The following TBC1D8B variants were observed in gnomAD, a reference collection of about 807,000 sequenced individuals.
The protein encoded by TBC1D8B is RP11-321G1.1.
A neutral mutation model predicts 82.9 loss-of-function variants in TBC1D8B; 75 were observed. The ratio of observed to expected loss-of-function variants is 0.90; its 90% CI spans 0.75 to 1.10. TBC1D8B has a LOEUF of 1.10. Ranked by LOEUF, TBC1D8B falls within the 50% of genes least tolerant of loss-of-function variation. TBC1D8B has a pLI of 0.00. For synonymous variants in TBC1D8B, 276 were observed against 276.8 expected, an observed-to-expected ratio of 1.00 and a Z score of 0.03; for missense variants, 794 against 796.9, an observed-to-expected ratio of 1.00 and a Z score of 0.04.
chrX:106,827,239 T>C lies in TBC1D8B; in HGVS notation c.1105T>C (p.Phe369Leu). The part of the protein sequence containing the change: ...VIISIKGKTA[F>L]RFHEVKDFEQ... ...CATTAGCATCAAAGGAAAAACAGCTTTTCGCTTCCATGAAGTTAAAGACTT... is the reference window on the plus strand; with the variant it reads ...CATTAGCATCAAAGGAAAAACAGCTCTTCGCTTCCATGAAGTTAAAGACTT... Residue 369 changes from phenylalanine (F) to leucine (L), a missense_variant, in exon 7 of 21, where the codon TTT becomes CTT. Transcript: ENST00000357242. The C allele has an allele frequency of 1.7e-6, 2 of 1,211,179 alleles. No homozygotes were observed. The highest frequency in any genetic ancestry group is 2.2e-6 in the Non-Finnish European group (2 of 895,157).
At chrX:106,869,051 C>T (rs1932831328) in intron 18 of TBC1D8B, among the ~76,000 whole-genome samples, 1 of 111,538 alleles carries the variant, frequency 9.0e-6, no homozygotes, top group South Asian at 3.8e-4. Context: ...CAAGTCTCTT[C>T]CTTTTATAGA....
chrX:106,835,745 C>T (rs749052463), intron 7 of TBC1D8B, among the ~76,000 whole-genome samples: 6 of 111,987 alleles, frequency 5.4e-5, no homozygotes, highest in African/African-American at 1.9e-4. Context: ...TTCACTAAAG[C>T]TCCATTTCCC....
In TBC1D8B at chrX:106,814,220, G is replaced by T. The variant is rs767256292; in HGVS notation, c.131-4443G>T. ...TTTTATGGCTGTATAGTATTCCATGGTGTATATGTGCCACATTTTCTTAAT... is the reference window on the plus strand; with the variant it reads ...TTTTATGGCTGTATAGTATTCCATGTTGTATATGTGCCACATTTTCTTAAT... On this transcript the variant is annotated intron_variant, in intron 1 of 20. Transcript: ENST00000357242. 1.5e-4 allele frequency: 17 copies of T among 111,088 alleles called. No individual in the cohort carries two copies. In the Admixed American group the frequency reaches 1.6e-3, roughly 11 times the overall value. 9.2% of individuals were successfully genotyped at this position (111,088 alleles called of 1,213,427 possible). A position where few individuals can be genotyped will look rare whatever the true frequency, so the allele number is the denominator to read the frequency against.
chrX:106,840,413 C>G (rs1270601948), intron 9 of TBC1D8B, among the ~76,000 whole-genome samples: 1 of 111,106 alleles, frequency 9.0e-6, no homozygotes, highest in Non-Finnish European at 1.9e-5. Context: ...GTTTATTAGG[C>G]AAGATATGTA....
At chrX:106,848,155 GCTTTTTA>G in intron 10 of TBC1D8B, 24 bp from the exon 11 acceptor site, 1 of 1,020,311 alleles carries the variant, frequency 9.8e-7, no homozygotes, top group Non-Finnish European at 1.3e-6. Flanking sequence ...AGCAATATTT[GCTTTTTA>G]ATACTGTTTT....
chrX:106,851,660 C>T (rs1227327724), intron 12 of TBC1D8B, among the ~76,000 whole-genome samples: 4 of 109,458 alleles, frequency 3.7e-5, no homozygotes, highest in Non-Finnish European at 5.7e-5. Flanking sequence ...TGAGAACATG[C>T]GATGTTTCAT....
chrX:106,865,144 G>A (rs1242640858), intron 14 of TBC1D8B, among the ~76,000 whole-genome samples: 1 of 111,494 alleles, frequency 9.0e-6, no homozygotes, highest in Non-Finnish European at 1.9e-5. Flanking sequence ...TTGGCATAGA[G>A]AGGGAATGTA....
chrX:106,854,115 T>G, intron 13 of TBC1D8B, 83 bp from the exon 14 acceptor site: 1 of 696,608 alleles, frequency 1.4e-6, no homozygotes, highest in Non-Finnish European at 2.0e-6. Context: ...CCTCCAAGAA[T>G]TCAGTCTGAT....
At chrX:106,843,760 G>T (rs1602425481) in intron 10 of TBC1D8B, among the ~76,000 whole-genome samples, 1 of 109,258 alleles carries the variant, frequency 9.2e-6, no homozygotes, top group South Asian at 3.8e-4. Context: ...CTGGGATTTT[G>T]ATAGTCATCA....
chrX:106,824,372 A>G (rs1191295567), intron 5 of TBC1D8B, among the ~76,000 whole-genome samples: 1 of 111,145 alleles, frequency 9.0e-6, no homozygotes, highest in Non-Finnish European at 1.9e-5. Context: ...CATTGGGTAC[A>G]GTTGTTCCTC....
At chrX:106,856,143 T>C (rs1459791463) in intron 14 of TBC1D8B, among the ~76,000 whole-genome samples, 3 of 112,498 alleles carry the variant, frequency 2.7e-5, no homozygotes, top group Non-Finnish European at 5.6e-5. Flanking sequence ...GCCTTTTTAA[T>C]TTCTTCTCTT....
intron 13 of TBC1D8B, 141 bp from the exon 14 acceptor site, chrX:106,854,057 G>T (rs1456547996): frequency 2.4e-6 from 1 of 414,881 alleles, no homozygotes; most frequent in Non-Finnish European, 3.8e-6. Context: ...GTAAAAATTT[G>T]CAAAATCATT....
chrX:106,825,870 G>C, intron 5 of TBC1D8B, among the ~76,000 whole-genome samples, 160 bp from the exon 6 acceptor site: 1 of 111,760 alleles, frequency 8.9e-6, no homozygotes, highest in East Asian at 2.8e-4. Context: ...AGGAATCAGT[G>C]TATTTTTTTC....
At position 106,854,226 on chromosome X, in the gene TBC1D8B, T is replaced by C; in HGVS notation, c.2282T>C (p.Ile761Thr). The change falls in exon 14 of 21, where the codon ATA becomes ACA. Residue 761 changes from isoleucine to threonine, a missense_variant. Ile to Thr is a moderately conservative substitution (Grantham distance 89, BLOSUM62 -1). Transcript: ENST00000357242. ...EKYGNIRYEDIHSMRCRNRLY... is the reference protein window; with the variant it reads ...EKYGNIRYEDTHSMRCRNRLY... The stretch of plus-strand genomic sequence containing the variant: ...TATGGTAATATTCGCTATGAAGATA[T>C]ACATAGTATGCGCTGTCGAAATAGG... The C allele has an allele frequency of 8.4e-7, 1 of 1,189,466 alleles. No homozygotes were observed. Among genetic ancestry groups the C allele is most frequent in the Non-Finnish European group, 1.1e-6 (1 of 886,317 alleles).
Position 106,802,816 on chromosome X carries a change from C to A in TBC1D8B, c.-38C>A, listed in dbSNP as rs750580931. 5 of 1,207,150 alleles carry A rather than the reference C, an allele frequency of 4.1e-6. No homozygotes were observed. In the South Asian group the frequency reaches 8.9e-5, roughly 21 times the overall value. On this transcript the variant is annotated 5_prime_UTR_variant, in exon 1 of 21. Transcript: ENST00000357242. ...CGGGTTGAGAGTGAGGTGAGGAGGGCATCTAGGTCACTGCTCCCGGGGGGC... is the reference window on the plus strand; with the variant it reads ...CGGGTTGAGAGTGAGGTGAGGAGGGAATCTAGGTCACTGCTCCCGGGGGGC...
At chrX:106,840,999 T>C in intron 10 of TBC1D8B, 115 bp downstream of exon 10, 1 of 563,535 alleles carries the variant, frequency 1.8e-6, no homozygotes. Context: ...GTGAGATAGA[T>C]AGAGCATAGT....
chrX:106,803,041 G>A, intron 1 of TBC1D8B, 58 bp downstream of exon 1: 2 of 1,125,760 alleles, frequency 1.8e-6, no homozygotes, highest in Non-Finnish European at 2.3e-6. Flanking sequence ...TTAAAAGGTG[G>A]TGAGGACAAC....
rs776796698 is a variant in TBC1D8B at position 106,818,769 on chromosome X, A to G, written c.237A>G (p.Ala79=). The G allele has an allele frequency of 8.5e-7, 1 of 1,181,872 alleles. No homozygotes were observed. Among genetic ancestry groups the G allele is most frequent in the Non-Finnish European group, 1.1e-6 (1 of 871,404 alleles). The stretch of plus-strand genomic sequence containing the variant: ...ATTCTCAAGTTTACTTGTCAATTGC[A>G]TGTGGTGAGTATGATTTTTAAAACA... ...TPDSQVYLSI[A]CGANREEITK... The change falls in exon 2 of 21, where the codon GCA becomes GCG. Residue 79 remains alanine, a synonymous_variant. Transcript: ENST00000357242.
intron 10 of TBC1D8B, among the ~76,000 whole-genome samples, chrX:106,847,645 G>A (rs1932486722): frequency 9.0e-6 from 1 of 111,535 alleles, no homozygotes; most frequent in Non-Finnish European, 1.9e-5. Context: ...CGTTTTATAA[G>A]AAGAAACTCT....
Sources: allele counts gnomAD v4.1 joint callset (sites outside exome capture counted in the v4.1 genomes callset), GRCh38; gene constraint gnomAD v4.1.1; transcripts MANE v1.5; gene names NCBI Gene and HGNC (gene_info 2026-07-23, HGNC 2026-07-21).